Variants in FZR1 observed in about 807,000 individuals in gnomAD.
FZR1 encodes the protein fizzy and cell division cycle 20 related 1.
In FZR1, 11 loss-of-function variants were observed where a neutral mutation model predicts 63.6. The ratio of observed to expected loss-of-function variants is 0.17; its 90% confidence interval spans 0.11 to 0.29. FZR1 has a LOEUF of 0.29. Ranked by LOEUF, FZR1 falls within the 10% of genes least tolerant of loss-of-function variation. The probability of loss-of-function intolerance (pLI) is 1.00; values close to 1 mark genes in which losing one functional copy is unlikely to be tolerated. For synonymous variants in FZR1, 328 were observed against 297.9 expected (o/e 1.10, Z -1.04); for missense variants, 440 against 687.5 (o/e 0.64, Z 4.03).
Position 3,527,676 on chromosome 19 carries a change from C to G in FZR1, c.516C>G (p.Ser172=). 1.2e-6 allele frequency: 2 copies of G among 1,611,984 alleles called. No individual in the cohort carries two copies. Among genetic ancestry groups the G allele is most frequent in the Non-Finnish European group, 1.7e-6 (2 of 1,179,848 alleles). ...CCCGGAAACCCACCCGCAAGATCTC[C>G]AAGATCCCCTTCAAGGTGCTGGACG... is the stretch of plus-strand genomic sequence containing the variant. ...RSPRKPTRKI[S]KIPFKVLDAP... Residue 172 remains serine, a synonymous_variant, in exon 7 of 14, where the codon TCC becomes TCG. Transcript: ENST00000441788.
At chr19:3,510,239 T>C (rs1365424366) in intron 1 of FZR1, among the ~76,000 whole-genome samples, 1 of 152,090 alleles carries the variant, frequency 6.6e-6, no homozygotes, top group Non-Finnish European at 1.5e-5. Context: ...CAGCCTCAGG[T>C]AATCTGCCCA....
rs1486829567 is a variant in FZR1, at chr19:3,526,014, G to C, written c.195+21G>C. 1 of 1,611,472 alleles carries C rather than the reference G, an allele frequency of 6.2e-7. No individual in the cohort carries two copies. The highest frequency in any genetic ancestry group is 1.1e-5 in the South Asian group (1 of 91,036). ...TTAACGTGAGGGGCTGGCTGGGCAG[G>C]AGATGGGACCCCCCGGGAAGCCCAG... On this transcript the variant is annotated intron_variant, in intron 3 of 13. Transcript: ENST00000441788. This position sits in a 1 kb window ranked among gnomAD's most constrained non-coding sequence, Gnocchi z 5.4.
chr19:3,512,600 C>T (rs922103665), intron 1 of FZR1, among the ~76,000 whole-genome samples: 9 of 152,188 alleles, frequency 5.9e-5, no homozygotes, highest in African/African-American at 1.7e-4. Context: ...ATAAGGGTGT[C>T]TGGGTGCTTC....
At position 3,526,272 on chromosome 19, in the gene FZR1, C is replaced by T; in HGVS notation, c.273C>T (p.Tyr91=). 6.2e-7 allele frequency: 1 copy of T among 1,610,948 alleles called. No homozygotes were observed. The highest frequency in any genetic ancestry group is 8.5e-7 in the Non-Finnish European group (1 of 1,179,314). The part of the protein sequence containing the change: ...TSDNGKDGLA[Y]SALLKNELLG... ...TGGTGCCCGCAGACGGCCTGGCCTA[C>T]TCTGCCCTGCTCAAGAATGAGCTGC... Residue 91 remains tyrosine, a synonymous_variant, in exon 5 of 14, where the codon TAC becomes TAT. Coordinates refer to ENST00000441788, the MANE Select transcript of FZR1 (RefSeq NM_016263.4). This position sits in a 1 kb window ranked among gnomAD's most constrained non-coding sequence, Gnocchi z 5.4.
rs2030003056 is a variant in FZR1 at position 3,537,082 on chromosome 19, C to G, written c.*2246C>G. On this transcript the variant is annotated 3_prime_UTR_variant, in exon 14 of 14. Coordinates refer to ENST00000441788, the MANE Select transcript of FZR1 (RefSeq NM_016263.4). Reference sequence around the variant, plus strand: ...GGGCACTGCTGGGCTGAGTTCACCCCCAGGGCTGGCCAGATGGGGCCAGGA... The same window carrying G: ...GGGCACTGCTGGGCTGAGTTCACCCGCAGGGCTGGCCAGATGGGGCCAGGA... 1 of 152,516 alleles carries G rather than the reference C, an allele frequency of 6.6e-6. No homozygotes were observed. The highest frequency in any genetic ancestry group is 1.5e-5 in the Non-Finnish European group (1 of 68,196). The allele number at this position is 152,516 out of a possible 1,614,324, so 9.4% of individuals were successfully genotyped here. A position where few individuals can be genotyped will look rare whatever the true frequency, so the allele number is the denominator to read the frequency against.
chr19:3,520,232 T>G (rs951551706), intron 1 of FZR1, among the ~76,000 whole-genome samples: 5 of 152,038 alleles, frequency 3.3e-5, no homozygotes, highest in Non-Finnish European at 7.4e-5. Context: ...AGCTGTGCCC[T>G]GTGGAGAACC....
chr19:3,534,980 G>C lies in FZR1; in HGVS notation c.*144G>C, dbSNP rs1402371508. ...GGGGAGCTGGGCCTGGAGGATCCTG[G>C]AGTCTCATTAAATGCCTGATTGTGA... On this transcript the variant is annotated 3_prime_UTR_variant, in exon 14 of 14. Coordinates refer to ENST00000441788, the MANE Select transcript of FZR1 (RefSeq NM_016263.4). 2 of 682,740 alleles carry C rather than the reference G, an allele frequency of 2.9e-6. No homozygotes were observed. Among genetic ancestry groups the C allele is most frequent in the East Asian group, 2.7e-5 (1 of 37,132 alleles). 42.3% of individuals were successfully genotyped at this position (682,740 alleles called of 1,614,324 possible).
rs994815361 is a variant in FZR1, at chr19:3,533,872, T to A, written c.1347+474T>A. ...TCCGCGCATCTGACAGTCCCTCATC[T>A]GTGCAGAGTTGATGAGCCCCTCTTG... On this transcript the variant is annotated intron_variant, in intron 12 of 13. Transcript: ENST00000441788. The surrounding 1 kb of genome is among the most constrained non-coding windows in gnomAD (Gnocchi z 4.9). 6.1e-6 allele frequency: 1 copy of A among 163,790 alleles called. No homozygotes were observed. Among genetic ancestry groups the A allele is most frequent in the African/African-American group, 2.4e-5 (1 of 41,644 alleles). The allele number at this position is 163,790 out of a possible 1,614,324, so 10.1% of individuals were successfully genotyped here.
rs944923150 is a variant in FZR1 at position 3,516,803 on chromosome 19, G to A, written c.-34-6153G>A. ...TTGTGTGGCCAGTAGACTGACAGCT[G>A]CTGCCCACCTGGCAACGTTTGGGCC... is the stretch of plus-strand genomic sequence containing the variant. On this transcript the variant is annotated intron_variant, in intron 1 of 13. Transcript: ENST00000441788. This position sits in a 1 kb window ranked among gnomAD's most constrained non-coding sequence, Gnocchi z 6.0. 6.6e-6 allele frequency among the ~76,000 whole-genome samples: 1 copy of A among 152,266 alleles called. No individual in the cohort carries two copies. Among genetic ancestry groups the A allele is most frequent in the Non-Finnish European group, 1.5e-5 (1 of 68,040 alleles).
chr19:3,525,843 C>T lies in FZR1; in HGVS notation c.70-25C>T, dbSNP rs750683651. On this transcript the variant is annotated intron_variant, in intron 2 of 13. Transcript: ENST00000441788. This position sits in a 1 kb window ranked among gnomAD's most constrained non-coding sequence, Gnocchi z 4.2. Reference sequence around the variant, plus strand: ...CTCGGGGGGCTCTCGGTGCTGAGAGCAAGCCCTCTGCTGATGCCCTTCAGG... The same window carrying T: ...CTCGGGGGGCTCTCGGTGCTGAGAGTAAGCCCTCTGCTGATGCCCTTCAGG... The T allele has an allele frequency of 6.2e-7, 1 of 1,606,368 alleles. No individual in the cohort carries two copies. The highest frequency in any genetic ancestry group is 8.5e-7 in the Non-Finnish European group (1 of 1,178,928).
rs1036002693 is a variant in FZR1 at position 3,514,664 on chromosome 19, G to A, written c.-35+8190G>A. On this transcript the variant is annotated intron_variant, in intron 1 of 13. Coordinates refer to ENST00000441788, the MANE Select transcript of FZR1 (RefSeq NM_016263.4). This position sits in a 1 kb window ranked among gnomAD's most constrained non-coding sequence, Gnocchi z 4.2. ...TGAAATCCATACCCTGAGTGGGAGG[G>A]AGAGAGGAGGTGAATCTCAGGAGCT... is the stretch of plus-strand genomic sequence containing the variant. Among the ~76,000 whole-genome samples the A allele has an allele frequency of 5.9e-5, 9 of 152,198 alleles. No homozygotes were observed. The highest frequency in any genetic ancestry group is 2.6e-4 in the Admixed American group (4 of 15,286).
intron 7 of FZR1, among the ~76,000 whole-genome samples, chr19:3,530,539 T>C (rs1204919371): frequency 1.3e-4 from 17 of 131,766 alleles, no homozygotes; most frequent in Middle Eastern, 9.6e-3. Context: ...GATGGTTGAG[T>C]AGATGGGAGA....
chr19:3,527,307 A>G (rs554591322), intron 6 of FZR1, among the ~76,000 whole-genome samples: 1 of 152,204 alleles, frequency 6.6e-6, no homozygotes, highest in East Asian at 1.9e-4. Flanking sequence ...GGCCTAGAGC[A>G]GCCCAGAGAT....
intron 1 of FZR1, among the ~76,000 whole-genome samples, chr19:3,518,242 G>C (rs894467567): frequency 2.4e-4 from 37 of 152,052 alleles, no homozygotes; most frequent in Admixed American, 2.4e-3. Flanking sequence ...TCGAACTCCT[G>C]AGCTCAGGTG....
intron 7 of FZR1, 136 bp from the exon 8 acceptor site, chr19:3,530,656 G>A: frequency 1.5e-6 from 1 of 665,536 alleles, no homozygotes; most frequent in Admixed American, 2.3e-5. Flanking sequence ...ATGGGACTGT[G>A]GATGGGAGAG....
Position 3,522,965 on chromosome 19 carries a change from G to T in FZR1, c.-25G>T. 1 of 1,585,090 alleles carries T rather than the reference G, an allele frequency of 6.3e-7. No homozygotes were observed. On this transcript the variant is annotated 5_prime_UTR_variant, in exon 2 of 14. Transcript: ENST00000441788. ...GCCCTTCCCGCTGCAGGCTAACCTT[G>T]CCGCGGGCCGAGCCCTGCCTCGCCA...
In FZR1 at chr19:3,526,332, G is replaced by A; in HGVS notation, c.333G>A (p.Gln111=). The stretch of plus-strand genomic sequence containing the variant: ...GCATCGAGAAGGTGCAGGACCCGCA[G>A]ACTGAGGACCGCAGGCTGCAGCCCT... The part of the protein sequence containing the change: ...GAGIEKVQDP[Q]TEDRRLQPST... Residue 111 remains glutamine (Q), a synonymous_variant, in exon 5 of 14, where the codon CAG becomes CAA. Coordinates refer to ENST00000441788, the MANE Select transcript of FZR1 (RefSeq NM_016263.4). This position sits in a 1 kb window ranked among gnomAD's most constrained non-coding sequence, Gnocchi z 5.4. 1 of 1,603,164 alleles carries A rather than the reference G, an allele frequency of 6.2e-7. No homozygotes were observed.
intron 1 of FZR1, among the ~76,000 whole-genome samples, chr19:3,519,102 A>C (rs2083080008): frequency 6.6e-6 from 1 of 152,160 alleles, no homozygotes; most frequent in Non-Finnish European, 1.5e-5. Context: ...CACAGAGAGG[A>C]AAGAGAGAGG....
rs1210240512 is a variant in FZR1 at position 3,525,177 on chromosome 19, G to A, written c.70-691G>A. On this transcript the variant is annotated intron_variant, in intron 2 of 13. Coordinates refer to ENST00000441788, the MANE Select transcript of FZR1 (RefSeq NM_016263.4). This position sits in a 1 kb window ranked among gnomAD's most constrained non-coding sequence, Gnocchi z 4.2. ...CCTGCGTCTGTGATCATCTAGAGAC[G>A]GTGAATGCATGGCACCTGCGCAGCG... Among the ~76,000 whole-genome samples the A allele has an allele frequency of 3.9e-5, 6 of 152,158 alleles. No homozygotes were observed. Among genetic ancestry groups the A allele is most frequent in the African/African-American group, 7.2e-5 (3 of 41,432 alleles).
Sources: allele counts gnomAD v4.1 joint callset (sites outside exome capture counted in the v4.1 genomes callset), GRCh38; gene constraint gnomAD v4.1.1; non-coding constraint Gnocchi (gnomAD v3.1); transcripts MANE v1.5; gene names NCBI Gene and HGNC (gene_info 2026-07-23, HGNC 2026-07-21).